DIP2B: variants seen among roughly 807,000 people sequenced by gnomAD.
DIP2B encodes the protein disco-interacting protein 2 homolog B.
DIP2B carries 76 observed loss-of-function variants against 198.0 expected under a neutral mutation model. That is an observed-to-expected ratio of 0.38 (90% confidence interval 0.32 to 0.46). The LOEUF (loss-of-function observed/expected upper bound fraction) is 0.46, where lower values mean the gene tolerates loss of function less well. Ranked by LOEUF, DIP2B falls within the 20% of genes least tolerant of loss-of-function variation. The pLI is 0.99. For missense variants in DIP2B, 1,559 were observed against 1,978.4 expected (o/e 0.79, Z 4.02); for synonymous variants, 701 against 739.1 (o/e 0.95, Z 0.84).
rs139129585 is a variant in DIP2B at position 50,596,783 on chromosome 12, C to T, written c.101-29193C>T. On this transcript the variant is annotated intron_variant, in intron 1 of 37. Transcript: ENST00000301180. ...AGATGAAAAAAATAGACTGAGAATT[C>T]GGTAACTAAGGAGTTGGATAACCCA... Among the ~76,000 whole-genome samples, 726 of 152,206 alleles carry T rather than the reference C, an allele frequency of 4.8e-3. 8 individuals are homozygous for T. The highest frequency in any genetic ancestry group is 0.016 in the African/African-American group (684 of 41,530).
intron 1 of DIP2B, among the ~76,000 whole-genome samples, chr12:50,573,923 G>C (rs1403648804): frequency 1.3e-5 from 2 of 152,190 alleles, no homozygotes; most frequent in Non-Finnish European, 2.9e-5. Context: ...GGCATTTCAA[G>C]ATAAGTATAT....
rs1470262473 is a variant in DIP2B at position 50,732,687 on chromosome 12, T to C, written c.3981+151T>C. The C allele has an allele frequency of 4.1e-6, 4 of 983,420 alleles. No individual in the cohort carries two copies. The East Asian group carries it at 7.8e-5, about 19-fold the overall frequency. 60.9% of individuals were successfully genotyped at this position (983,420 alleles called of 1,614,324 possible). ...GGGCTTTTAAATCTCGATTTCTTTG[T>C]GTCTCATTTTGCTCATCTGTAAGGT... is the stretch of plus-strand genomic sequence containing the variant. On this transcript the variant is annotated intron_variant, in intron 32 of 37. Transcript: ENST00000301180.
At chr12:50,591,454 T>G (rs1416584599) in intron 1 of DIP2B, among the ~76,000 whole-genome samples, 1 of 152,108 alleles carries the variant, frequency 6.6e-6, no homozygotes, top group Non-Finnish European at 1.5e-5. Flanking sequence ...TTTTTTTAAT[T>G]TATTTGAGAC....
At chr12:50,510,787 A>G (rs1031573617) in intron 1 of DIP2B, among the ~76,000 whole-genome samples, 7 of 151,868 alleles carry the variant, frequency 4.6e-5, no homozygotes, top group Admixed American at 4.6e-4. Flanking sequence ...CTGGGATTAC[A>G]GGCATGTGCC....
intron 15 of DIP2B, among the ~76,000 whole-genome samples, chr12:50,695,608 G>T (rs1384509678): frequency 6.6e-6 from 1 of 152,120 alleles, no homozygotes. Flanking sequence ...AGTTTCCTTG[G>T]CTGGGACACT....
Position 50,704,133 on chromosome 12 carries a change from CTCTTAGG to C in DIP2B, c.2326-5_2327del. The C allele has an allele frequency of 6.2e-7, 1 of 1,603,390 alleles. No homozygotes were observed. Among genetic ancestry groups the C allele is most frequent in the Non-Finnish European group, 8.5e-7 (1 of 1,177,764 alleles). ...AAGTTTTTCACTTACTTCATTTTGTCTCTTAGGTAATTCCAGTGAATTCTGCAGGCTC... is the reference window on the plus strand; with the variant it reads ...AAGTTTTTCACTTACTTCATTTTGTCTAATTCCAGTGAATTCTGCAGGCTC... On this transcript the variant is annotated splice_acceptor_variant and splice_polypyrimidine_tract_variant and coding_sequence_variant and intron_variant, in exon 20 of 38. Transcript: ENST00000301180. LOFTEE classifies it high-confidence loss of function.
At chr12:50,706,141 T>G (rs1018129461) in intron 20 of DIP2B, among the ~76,000 whole-genome samples, 13 of 152,150 alleles carry the variant, frequency 8.5e-5, no homozygotes, top group Non-Finnish European at 8.8e-5. Flanking sequence ...TGTTTTAATC[T>G]CCTCCTAATT....
In DIP2B at chr12:50,576,048, G is replaced by A. The variant is rs73119122; in HGVS notation, c.101-49928G>A. Among the ~76,000 whole-genome samples the A allele has an allele frequency of 6.5e-3, 988 of 151,006 alleles. 6 individuals are homozygous for A. Among genetic ancestry groups the A allele is most frequent in the Non-Finnish European group, 0.011 (726 of 67,854 alleles). On this transcript the variant is annotated intron_variant, in intron 1 of 37. Coordinates refer to ENST00000301180, the MANE Select transcript of DIP2B (RefSeq NM_173602.3). The stretch of plus-strand genomic sequence containing the variant: ...GCTGGAATTACAAGTGTGAGCCACC[G>A]TGCCTGGCCCTGATATTTTTTTTCA...
chr12:50,728,707 A>AT, intron 30 of DIP2B, 29 bp downstream of exon 30: 1 of 1,611,828 alleles, frequency 6.2e-7, no homozygotes, highest in African/African-American at 1.3e-5. Context: ...AGGAGACAGA[A>AT]TGTGTGGGGG....
chr12:50,735,021 G>A, intron 33 of DIP2B, 52 bp from the exon 34 acceptor site: 2 of 1,606,324 alleles, frequency 1.2e-6, no homozygotes, highest in Non-Finnish European at 1.7e-6. Context: ...CAGGAACATG[G>A]CGACTTCTCC....
intron 4 of DIP2B, among the ~76,000 whole-genome samples, chr12:50,666,804 G>A (rs1417067719): frequency 4.0e-5 from 6 of 151,822 alleles, no homozygotes; most frequent in African/African-American, 1.2e-4. Flanking sequence ...GGTGGATCAC[G>A]AGGTCAGGAG....
At chr12:50,588,460 G>C (rs931645740) in intron 1 of DIP2B, among the ~76,000 whole-genome samples, 1 of 152,134 alleles carries the variant, frequency 6.6e-6, no homozygotes, top group African/African-American at 2.4e-5. Context: ...TGATTCATCA[G>C]TACTTATACT....
At chr12:50,652,359 A>G (rs1938471879) in intron 3 of DIP2B, among the ~76,000 whole-genome samples, 1 of 148,884 alleles carries the variant, frequency 6.7e-6, no homozygotes, top group South Asian at 2.1e-4. Context: ...ACACACACAC[A>G]CACACACACA....
At chr12:50,703,885 A>AG (rs1939465731) in intron 19 of DIP2B, among the ~76,000 whole-genome samples, 1 of 151,052 alleles carries the variant, frequency 6.6e-6, no homozygotes, top group African/African-American at 2.4e-5. Context: ...GAAAAAAAAA[A>AG]AAACTCAGCA....
chr12:50,700,592 T>C (rs1939400655), intron 19 of DIP2B, among the ~76,000 whole-genome samples: 1 of 152,232 alleles, frequency 6.6e-6, no homozygotes, highest in Admixed American at 6.5e-5. Flanking sequence ...CTCTCCATGA[T>C]GTGGTACCTG....
At chr12:50,733,321 A>G (rs1439902490) in intron 32 of DIP2B, among the ~76,000 whole-genome samples, 2 of 146,348 alleles carry the variant, frequency 1.4e-5, no homozygotes, top group Non-Finnish European at 3.0e-5. Flanking sequence ...CAACTTTGTC[A>G]TGTTATTCTT....
At chr12:50,536,611 T>C (rs1356671972) in intron 1 of DIP2B, among the ~76,000 whole-genome samples, 1 of 150,840 alleles carries the variant, frequency 6.6e-6, no homozygotes, top group Non-Finnish European at 1.5e-5. Context: ...TTTGTCACCC[T>C]GGCTGGAGTG....
At chr12:50,638,031 T>A (rs1457434301) in intron 2 of DIP2B, among the ~76,000 whole-genome samples, 1 of 152,246 alleles carries the variant, frequency 6.6e-6, no homozygotes, top group African/African-American at 2.4e-5. Flanking sequence ...CTTTTTATTG[T>A]TACTAAACCT....
In DIP2B at chr12:50,746,328, A is replaced by G. The variant is rs1940340322; in HGVS notation, c.*1489A>G. 1 of 152,228 alleles carries G rather than the reference A, an allele frequency of 6.6e-6. No homozygotes were observed. Among genetic ancestry groups the G allele is most frequent in the Non-Finnish European group, 1.5e-5 (1 of 68,034 alleles). The allele number at this position is 152,228 out of a possible 1,614,324, so 9.4% of individuals were successfully genotyped here. ...TTTGACCCACTCTGGTCTATTGTGT[A>G]AATATTTATTTAGACTATTTTAATA... On this transcript the variant is annotated 3_prime_UTR_variant, in exon 38 of 38. Transcript: ENST00000301180.
Sources: allele counts gnomAD v4.1 joint callset (sites outside exome capture counted in the v4.1 genomes callset), GRCh38; gene constraint gnomAD v4.1.1; transcripts MANE v1.5; gene names NCBI Gene and HGNC (gene_info 2026-07-23, HGNC 2026-07-21).